KIR3DL2: variants seen among roughly 807,000 people sequenced by gnomAD.
KIR3DL2 encodes the protein killer cell immunoglobulin-like receptor 3DL2.
In KIR3DL2, 42 loss-of-function variants were observed where a neutral mutation model predicts 41.6. The ratio of observed to expected loss-of-function variants is 1.01; its 90% CI spans 0.79 to 1.31. KIR3DL2 has a LOEUF of 1.31. Among genes scored for constraint, KIR3DL2 ranks in the 50% most tolerant of loss-of-function variants. KIR3DL2 has a pLI of 0.00. For synonymous variants in KIR3DL2, 230 were observed against 221.3 expected (o/e 1.04, Z -0.35); for missense variants, 728 against 576.8 (o/e 1.26, Z -2.68).
chr19:54,861,534 A>C (rs1467638629), intron 6 of KIR3DL2, among the ~76,000 whole-genome samples: 5 of 150,602 alleles, frequency 3.3e-5, no homozygotes, highest in Non-Finnish European at 7.4e-5. Context: ...CTGTAATCCC[A>C]GCTACTCTGG....
At chr19:54,853,159 G>T (rs1462219517) in intron 3 of KIR3DL2, among the ~76,000 whole-genome samples, 1 of 151,484 alleles carries the variant, frequency 6.6e-6, no homozygotes. Context: ...GAGAAGGTTG[G>T]CTACCGTGGG....
Position 54,851,256 on chromosome 19 carries a change from G to C in KIR3DL2, c.70+1G>C, listed in dbSNP as rs544077143. The C allele has an allele frequency of 2.8e-5, 45 of 1,609,018 alleles. No individual in the cohort carries two copies. The South Asian group carries it at 4.4e-4, about 16-fold the overall frequency. On this transcript the variant is annotated splice_donor_variant, in intron 2 of 8. Coordinates refer to ENST00000326321, the MANE Select transcript of KIR3DL2 (RefSeq NM_006737.4). LOFTEE classifies it high-confidence loss of function. ...CTGCAGGGGGCCTGGCCACTCATGG[G>C]TGAGTCCGTCCCCAAACCTTAGGGT...
rs1437205780 is a variant in KIR3DL2 at position 54,852,066 on chromosome 19, C to G, written c.139C>G (p.Leu47Val). 3.1e-6 allele frequency: 5 copies of G among 1,612,460 alleles called. No individual in the cohort carries two copies. Among genetic ancestry groups the G allele is most frequent in the Middle Eastern group, 1.6e-4 (1 of 6,070 alleles). The change falls in exon 3 of 9, where the codon CTT becomes GTT. Residue 47 changes from leucine to valine, a missense_variant. Transcript: ENST00000326321. ...TVVPRGGHVA[L>V]QCHYRRGFNN... ...GGTGCCTCGAGGAGGACACGTGGCT[C>G]TTCAGTGTCACTATCGTCGTGGGTT...
chr19:54,866,395 TGC>T lies in KIR3DL2; in HGVS notation c.1133_1134del (p.Ala378GlyfsTer7). ...ATGCTGCTGTAATGGACCAAGAGCC[TGC>T]GGGGGACAGAACAGTGAATAGGCAG... is the stretch of plus-strand genomic sequence containing the variant. ...KNAAVMDQEP[A>X]GDRTVNRQDS... is the part of the protein sequence containing the mutation. On this transcript the variant is annotated frameshift_variant, in exon 8 of 9. Coordinates refer to ENST00000326321, the MANE Select transcript of KIR3DL2 (RefSeq NM_006737.4). LOFTEE classifies it low-confidence loss of function (END_TRUNC). 1 of 1,613,908 alleles carries T rather than the reference TGC, an allele frequency of 6.2e-7. No homozygotes were observed. The highest frequency in any genetic ancestry group is 8.5e-7 in the Non-Finnish European group (1 of 1,179,944).
chr19:54,852,266 G>A lies in KIR3DL2; in HGVS notation c.339G>A (p.Leu113=), dbSNP rs1251360270. ...GGTGGTCGGCACCCAGCAACCCCCTGGTGATCATGGTCACAGGTCAGAGGC... is the reference window on the plus strand; with the variant it reads ...GGTGGTCGGCACCCAGCAACCCCCTAGTGATCATGGTCACAGGTCAGAGGC... ...LTGWSAPSNP[L]VIMVTGNHRK... Residue 113 remains leucine, a synonymous_variant, in exon 3 of 9, where the codon CTG becomes CTA. Coordinates refer to ENST00000326321, the MANE Select transcript of KIR3DL2 (RefSeq NM_006737.4). 2 of 1,607,974 alleles carry A rather than the reference G, an allele frequency of 1.2e-6. No individual in the cohort carries two copies. Among genetic ancestry groups the A allele is most frequent in the Non-Finnish European group, 8.5e-7 (1 of 1,177,178 alleles).
Position 54,865,902 on chromosome 19 carries a change from CA to C in KIR3DL2, c.1103del (p.Lys368ArgfsTer5). 1 of 1,595,722 alleles carries C rather than the reference CA, an allele frequency of 6.3e-7. No individual in the cohort carries two copies. Among genetic ancestry groups the C allele is most frequent in the Non-Finnish European group, 8.6e-7 (1 of 1,163,794 alleles). On this transcript the variant is annotated frameshift_variant, in exon 7 of 9. Coordinates refer to ENST00000326321, the MANE Select transcript of KIR3DL2 (RefSeq NM_006737.4). LOFTEE classifies it high-confidence loss of function. ...TTCTCCTTTATCGCTGGTGCTCCAA[CA>C]AAAAGAGTAAGTCTCACGAAGCAGA... ...FFLLYRWCSNKKNAAVMDQEP... is the reference protein window; with the variant it reads ...FFLLYRWCSNXKNAAVMDQEP...
intron 5 of KIR3DL2, among the ~76,000 whole-genome samples, chr19:54,858,204 T>G (rs2145652329): frequency 6.6e-6 from 1 of 150,612 alleles, no homozygotes; most frequent in East Asian, 1.9e-4. Context: ...TTTGAAGGTT[T>G]TAAACAAAAT....
At chr19:54,864,481 A>G (rs1021786790) in intron 6 of KIR3DL2, among the ~76,000 whole-genome samples, 1 of 151,930 alleles carries the variant, frequency 6.6e-6, no homozygotes, top group African/African-American at 2.4e-5. Flanking sequence ...GATTCTTCCT[A>G]CCCATGAGCA....
chr19:54,865,362 T>G (rs758864099), intron 6 of KIR3DL2, among the ~76,000 whole-genome samples: 1 of 151,740 alleles, frequency 6.6e-6, no homozygotes, highest in Non-Finnish European at 1.5e-5. Flanking sequence ...AGAGATCACA[T>G]GGCAAGAGAG....
rs1215016756 is a variant in KIR3DL2, at chr19:54,866,506, A to C, written c.1159-16A>C. 6.2e-7 allele frequency: 1 copy of C among 1,613,902 alleles called. No individual in the cohort carries two copies. The highest frequency in any genetic ancestry group is 8.5e-7 in the Non-Finnish European group (1 of 1,179,930). ...ATGTGAGCACCCTCCCTCACTCAGCATTTCCCTCTCTCCAGGACTCTGATG... is the reference window on the plus strand; with the variant it reads ...ATGTGAGCACCCTCCCTCACTCAGCCTTTCCCTCTCTCCAGGACTCTGATG... On this transcript the variant is annotated splice_polypyrimidine_tract_variant and intron_variant, in intron 8 of 8. Transcript: ENST00000326321.
At chr19:54,851,571 T>C (rs2064240805) in intron 2 of KIR3DL2, among the ~76,000 whole-genome samples, 1 of 151,432 alleles carries the variant, frequency 6.6e-6, no homozygotes, top group African/African-American at 2.4e-5. Context: ...ACTGACACCC[T>C]CCAGCGTTTC....
In KIR3DL2 at chr19:54,851,866, C is replaced by T. The variant is rs543961275; in HGVS notation, c.71-132C>T. 56 of 1,068,460 alleles carry T rather than the reference C, an allele frequency of 5.2e-5. No individual in the cohort carries two copies. The African/African-American group carries it at 7.5e-4, about 14-fold the overall frequency. 66.2% of individuals were successfully genotyped at this position (1,068,460 alleles called of 1,614,324 possible). ...GACGCCATGTCTATGTGGGGTGGGT[C>T]CTTCCTGTAGCCCTGGGCACCCAGG... On this transcript the variant is annotated intron_variant, in intron 2 of 8. Transcript: ENST00000326321.
intron 1 of KIR3DL2, among the ~76,000 whole-genome samples, chr19:54,850,950 G>T (rs62123364): frequency 3.8e-5 from 3 of 78,622 alleles, no homozygotes; most frequent in Non-Finnish European, 9.4e-5. Context: ...TATGGGCCTG[G>T]AGTGGAGATA....
intron 6 of KIR3DL2, among the ~76,000 whole-genome samples, chr19:54,862,110 G>C (rs1474488082): frequency 1.3e-5 from 2 of 152,090 alleles, no homozygotes; most frequent in Non-Finnish European, 2.9e-5. Context: ...ATGGTGGAGG[G>C]GGTGGTCTTT....
intron 6 of KIR3DL2, among the ~76,000 whole-genome samples, chr19:54,859,946 T>A (rs1601799309): frequency 6.6e-6 from 1 of 151,942 alleles, no homozygotes; most frequent in African/African-American, 2.4e-5. Flanking sequence ...ACTCAGACCC[T>A]TCTTCCTTAC....
Position 54,852,260 on chromosome 19 carries a change from C to T in KIR3DL2, c.333C>T (p.Asn111=), listed in dbSNP as rs759806496. The change falls in exon 3 of 9, where the codon AAC becomes AAT. Residue 111 remains asparagine (N), a synonymous_variant. Transcript: ENST00000326321. ...HSLTGWSAPS[N]PLVIMVTGNH... is the part of the protein sequence containing the mutation. ...TCACTGGGTGGTCGGCACCCAGCAA[C>T]CCCCTGGTGATCATGGTCACAGGTC... 1.9e-6 allele frequency: 3 copies of T among 1,608,962 alleles called. No homozygotes were observed. The highest frequency in any genetic ancestry group is 2.5e-6 in the Non-Finnish European group (3 of 1,177,570).
chr19:54,864,730 C>A (rs1212668022), intron 6 of KIR3DL2, among the ~76,000 whole-genome samples: 1 of 151,986 alleles, frequency 6.6e-6, no homozygotes, highest in Non-Finnish European at 1.5e-5. Context: ...TTTGTAGAAG[C>A]TGCTTATCAG....
At position 54,852,300 on chromosome 19, in the gene KIR3DL2, TG is replaced by T. The variant is rs2145567987; in HGVS notation, c.355+21del. 1.2e-6 allele frequency: 2 copies of T among 1,600,834 alleles called. No individual in the cohort carries two copies. The highest frequency in any genetic ancestry group is 2.2e-5 in the East Asian group (1 of 44,662). ...GGTCACAGGTCAGAGGCTTTCTGTC[TG>T]GGCTTCTCACTGTCCCACCTCCTGA... On this transcript the variant is annotated intron_variant, in intron 3 of 8. Transcript: ENST00000326321.
chr19:54,856,262 G>A (rs1003400362), intron 5 of KIR3DL2, among the ~76,000 whole-genome samples: 4 of 151,446 alleles, frequency 2.6e-5, no homozygotes, highest in African/African-American at 9.8e-5. Context: ...CCCACACAGA[G>A]AGATGTCATC....
Sources: gnomAD v4.1 joint callset for allele counts (sites outside exome capture counted in the v4.1 genomes callset) on GRCh38, gnomAD v4.1.1 for gene constraint, MANE v1.5 for transcripts, NCBI Gene and HGNC (gene_info 2026-07-23, HGNC 2026-07-21) for gene names.